Variants in FANCD2OS observed in about 807,000 individuals in gnomAD.
FANCD2OS encodes FANCD2 opposite strand protein.
In FANCD2OS, 11 loss-of-function variants were observed where a neutral mutation model predicts 13.2. That is an observed-to-expected ratio of 0.83 (90% CI 0.52 to 1.38). The LOEUF (loss-of-function observed/expected upper bound fraction) is 1.38. Ranked by LOEUF, FANCD2OS falls within the 40% of genes most tolerant of loss-of-function variation. FANCD2OS has a pLI of 0.00. For missense variants in FANCD2OS, 217 were observed against 213.9 expected, an observed-to-expected ratio of 1.01 and a Z score of -0.09; for synonymous variants, 69 against 84.5, an observed-to-expected ratio of 0.82 and a Z score of 1.01.
chr3:10,088,305 T>C, intron 2 of FANCD2OS: 1 of 700,356 alleles, frequency 1.4e-6, no homozygotes, highest in South Asian at 1.5e-5. Context: ...TGACAGCTTT[T>C]TGTAAGTTGC....
intron 2 of FANCD2OS, chr3:10,093,392 T>G: frequency 7.8e-7 from 1 of 1,285,018 alleles, no homozygotes; most frequent in Non-Finnish European, 1.1e-6. Context: ...GGACCTCAGC[T>G]GAGATAAATT....
chr3:10,103,935 T>C (rs1053860329), downstream of FANCD2OS: 1 of 294,008 alleles, frequency 3.4e-6, no homozygotes. Flanking sequence ...TGTAGGTGTT[T>C]ATGTGAGTTC....
At chr3:10,101,596 G>C (rs1695305566), downstream of FANCD2OS, 1 of 373,810 alleles carries the variant, frequency 2.7e-6, no homozygotes, top group Non-Finnish European at 5.0e-6. Context: ...ATGTCGGCCA[G>C]ATGGTCTCAA....
At chr3:10,105,799 T>A (rs1343602326) in intron 1 of FANCD2OS, among the ~76,000 whole-genome samples, 2 of 80,120 alleles carry the variant, frequency 2.5e-5, no homozygotes, top group African/African-American at 1.5e-4. Context: ...TATATATATA[T>A]ATATATATAT....
chr3:10,105,768 AAAATTATATAT>A (rs1695465705), intron 1 of FANCD2OS, among the ~76,000 whole-genome samples: 3 of 51,404 alleles, frequency 5.8e-5, no homozygotes, highest in African/African-American at 4.2e-4. Context: ...AAAAAAAAAA[AAAATTATATAT>A]ATATATATAT....
intron 2 of FANCD2OS, chr3:10,093,218 G>A (rs763377248): frequency 2.3e-5 from 28 of 1,237,520 alleles, no homozygotes; most frequent in Middle Eastern, 1.9e-4. Context: ...TTTGCGCAGC[G>A]GGAAAGAGGC....
intron 1 of FANCD2OS, among the ~76,000 whole-genome samples, chr3:10,105,110 C>T (rs1695434227): frequency 6.6e-6 from 1 of 152,104 alleles, no homozygotes; most frequent in Non-Finnish European, 1.5e-5. Context: ...CCTCGGCCTC[C>T]CAAAGTGCTG....
At chr3:10,103,142 CCTATAATCCCAGCACTT>C (rs1242988190), downstream of FANCD2OS, 1 of 417,414 alleles carries the variant, frequency 2.4e-6, no homozygotes, top group African/African-American at 2.1e-5. Context: ...GTGGCTCATG[CCTATAATCCCAGCACTT>C]TGGGAGGCTG....
chr3:10,106,522 A>G (rs1017807704), intron 1 of FANCD2OS, among the ~76,000 whole-genome samples: 2 of 152,192 alleles, frequency 1.3e-5, no homozygotes, highest in Non-Finnish European at 2.9e-5. Context: ...CACAGAAGAT[A>G]GCAGCAGATC....
intron 2 of FANCD2OS, among the ~76,000 whole-genome samples, chr3:10,085,394 CTTT>C (rs1242296810): frequency 4.4e-5 from 6 of 136,922 alleles, no homozygotes; most frequent in Admixed American, 7.2e-5. Flanking sequence ...TTTTTTCTTT[CTTT>C]TTTTTTTTTT....
intron 2 of FANCD2OS, among the ~76,000 whole-genome samples, chr3:10,089,640 T>C (rs1694463800): frequency 1.3e-5 from 2 of 152,088 alleles, no homozygotes; most frequent in African/African-American, 4.8e-5. Context: ...CGGCTAATTT[T>C]TGTATTTTTA....
chr3:10,083,025 G>T (rs1423998836), intron 2 of FANCD2OS, among the ~76,000 whole-genome samples: 1 of 152,084 alleles, frequency 6.6e-6, no homozygotes, highest in Non-Finnish European at 1.5e-5. Flanking sequence ...TCAGGAGTTC[G>T]AGACCAGCCT....
At chr3:10,084,421 T>G (rs573608049) in intron 2 of FANCD2OS, among the ~76,000 whole-genome samples, 3 of 151,614 alleles carry the variant, frequency 2.0e-5, no homozygotes, top group African/African-American at 4.8e-5. Flanking sequence ...TCCCAAGCAG[T>G]TGGGACTGCA....
At chr3:10,099,295 C>T, downstream of FANCD2OS, 1 of 1,243,010 alleles carries the variant, frequency 8.0e-7, no homozygotes, top group Non-Finnish European at 1.0e-6. Flanking sequence ...TTTTGTGGTA[C>T]AGATGCTTTC....
intron 2 of FANCD2OS, chr3:10,085,856 C>T (rs2125069451): frequency 6.2e-7 from 1 of 1,613,790 alleles, no homozygotes; most frequent in Non-Finnish European, 8.5e-7. Context: ...CTGTATTCAG[C>T]CCTCCATGTC....
At chr3:10,099,433 C>T (rs1386599617), downstream of FANCD2OS, 4 of 645,290 alleles carry the variant, frequency 6.2e-6, no homozygotes, top group Middle Eastern at 6.7e-4. Context: ...GGCAAAGCTG[C>T]ACAACATAAC....
Position 10,104,571 on chromosome 3 carries a change from C to T in FANCD2OS, c.204G>A (p.Val68=). ...VLDSPFLESG[V]SPKLPCHTSE... The stretch of plus-strand genomic sequence containing the variant: ...ATGTGTGGCAGGGTAACTTGGGACT[C>T]ACTCCAGATTCCAGGAATGGGCTGT... The change falls in exon 2 of 2, where the codon GTG becomes GTA. Residue 68 remains valine, a synonymous_variant. Transcript: ENST00000450660. 2 of 1,614,214 alleles carry T rather than the reference C, an allele frequency of 1.2e-6. No homozygotes were observed. Among genetic ancestry groups the T allele is most frequent in the Non-Finnish European group, 1.7e-6 (2 of 1,180,046 alleles).
At chr3:10,099,343 G>C, downstream of FANCD2OS, 2 of 1,195,788 alleles carry the variant, frequency 1.7e-6, no homozygotes, top group African/African-American at 1.6e-5. Flanking sequence ...TGTAGACATG[G>C]CTGGCGCAGT....
Position 10,090,499 on chromosome 3 carries a change from GC to G in FANCD2OS, c.*44-8969del, listed in dbSNP as rs1227257304. ...GAGACAGAGTCTTGCTTGTTCTGTT[GC>G]CCAGACTGGAGTGCAGTGGCATGAT... is the stretch of plus-strand genomic sequence containing the variant. On this transcript the variant is annotated intron_variant, in intron 2 of 2. Transcript: ENST00000524279. 3 of 653,890 alleles carry G rather than the reference GC, an allele frequency of 4.6e-6. No individual in the cohort carries two copies. In the East Asian group the frequency reaches 9.8e-5, roughly 21 times the overall value. 40.5% of individuals were successfully genotyped at this position (653,890 alleles called of 1,614,324 possible). A position where few individuals can be genotyped will look rare whatever the true frequency, so the allele number is the denominator to read the frequency against.
Sources: allele counts gnomAD v4.1 joint callset (sites outside exome capture counted in the v4.1 genomes callset), GRCh38; gene constraint gnomAD v4.1.1; transcripts MANE v1.5; gene names NCBI Gene and HGNC (gene_info 2026-07-23, HGNC 2026-07-21).